The following KCNMA1 variants were observed in gnomAD, a reference collection of about 807,000 sequenced individuals.
KCNMA1 encodes Calcium-activated potassium channel subunit alpha-1.
KCNMA1 carries 29 observed loss-of-function variants against 140.0 expected under a neutral mutation model. That is an observed-to-expected ratio of 0.21 (90% confidence interval 0.15 to 0.28). KCNMA1 has a LOEUF of 0.28. Ranked by LOEUF, KCNMA1 falls within the 10% of genes least tolerant of loss-of-function variation. The pLI, the probability that KCNMA1 is intolerant of heterozygous loss-of-function variation, is 1.00. For missense variants in KCNMA1, 880 were observed against 1,602.2 expected, an observed-to-expected ratio of 0.55 and a Z score of 7.70; for synonymous variants, 612 against 611.9, an observed-to-expected ratio of 1.00 and a Z score of 0.00.
chr10:76,887,867 T>G lies in KCNMA1; in HGVS notation c.3462-352A>C, dbSNP rs969477366. 7 of 321,300 alleles carry G rather than the reference T, an allele frequency of 2.2e-5. No individual in the cohort carries two copies. In the Admixed American group the frequency reaches 3.1e-4, roughly 14 times the overall value. The allele number at this position is 321,300 out of a possible 1,614,324, so 19.9% of individuals were successfully genotyped here. ...GGTTTCATGAAGTGTGATGCAACTT[T>G]CATTTCATAATTTTCGGACAATCCC... On this transcript the variant is annotated intron_variant, in intron 27 of 27. Coordinates refer to ENST00000286628, the MANE Select transcript of KCNMA1 (RefSeq NM_001161352.2).
chr10:77,593,206 G>C (rs1212894641), intron 1 of KCNMA1, among the ~76,000 whole-genome samples: 1 of 152,132 alleles, frequency 6.6e-6, no homozygotes, highest in Non-Finnish European at 1.5e-5. Context: ...CCCATGTCTA[G>C]CCCTTCAGAA....
At position 76,992,108 on chromosome 10, in the gene KCNMA1, G is replaced by A. The variant is rs545714344; in HGVS notation, c.2266+9299C>T. On this transcript the variant is annotated intron_variant, in intron 19 of 27. Coordinates refer to ENST00000286628, the MANE Select transcript of KCNMA1 (RefSeq NM_001161352.2). ...TGGGACTCATCTTGCGGTATTGAAG[G>A]GGCTAGAATGAAAACTTTCAGATTT... 5.9e-5 allele frequency among the ~76,000 whole-genome samples: 9 copies of A among 152,266 alleles called. No homozygotes were observed. The East Asian group carries it at 1.7e-3, about 29-fold the overall frequency.
Position 76,885,203 on chromosome 10 carries a change from AG to A in KCNMA1, c.*2062del. ...CCAATACTAGGGGATACATATATAT[AG>A]TTATATATATAGTTATATATATATA... On this transcript the variant is annotated 3_prime_UTR_variant, in exon 28 of 28. Coordinates refer to ENST00000286628, the MANE Select transcript of KCNMA1 (RefSeq NM_001161352.2). 1.5e-6 allele frequency: 1 copy of A among 679,590 alleles called. No homozygotes were observed. The highest frequency in any genetic ancestry group is 6.7e-5 in the South Asian group (1 of 14,984). The allele number at this position is 679,590 out of a possible 1,614,324, so 42.1% of individuals were successfully genotyped here.
chr10:76,897,196 C>A (rs374192378), intron 25 of KCNMA1, among the ~76,000 whole-genome samples: 1 of 150,968 alleles, frequency 6.6e-6, no homozygotes, highest in East Asian at 1.9e-4. Context: ...ATTTACAAAT[C>A]AAAGTTGTAA....
chr10:76,965,185 T>C (rs1369850093), intron 20 of KCNMA1, among the ~76,000 whole-genome samples: 1 of 152,160 alleles, frequency 6.6e-6, no homozygotes. Flanking sequence ...GTAGGGAGAA[T>C]TGGGCCACGG....
intron 2 of KCNMA1, among the ~76,000 whole-genome samples, chr10:77,329,844 A>C (rs1321958199): frequency 1.3e-5 from 2 of 152,208 alleles, no homozygotes; most frequent in Admixed American, 6.5e-5. Context: ...TTTGTCCCTC[A>C]GTTTATTCAT....
intron 1 of KCNMA1, among the ~76,000 whole-genome samples, chr10:77,619,911 G>A (rs1307533306): frequency 6.6e-6 from 1 of 152,206 alleles, no homozygotes; most frequent in East Asian, 1.9e-4. Context: ...GATGGAGGAG[G>A]TGGAGGGTTG....
chr10:77,296,934 A>G (rs2075323694), intron 2 of KCNMA1, among the ~76,000 whole-genome samples: 1 of 150,672 alleles, frequency 6.6e-6, no homozygotes, highest in Non-Finnish European at 1.5e-5. Context: ...GGGGGAATGT[A>G]GAGAAGAACA....
rs540752392 is a variant in KCNMA1, at chr10:77,455,563, C to A, written c.379-51540G>T. Among the ~76,000 whole-genome samples, 13 of 152,346 alleles carry A rather than the reference C, an allele frequency of 8.5e-5. No homozygotes were observed. In the South Asian group the frequency reaches 2.7e-3, roughly 32 times the overall value. On this transcript the variant is annotated intron_variant, in intron 1 of 27. Coordinates refer to ENST00000286628, the MANE Select transcript of KCNMA1 (RefSeq NM_001161352.2). ...TAGGTGAGCTTCACCTGAATCTGCA[C>A]CTGTCCTCATTGCTAAGGTGATGAG...
chr10:76,914,382 C>T lies in KCNMA1; in HGVS notation c.3016+554G>A, dbSNP rs11001928. The T allele has an allele frequency of 0.29, 149,873 of 515,204 alleles. 25,918 individuals carry two copies. Among genetic ancestry groups the T allele is most frequent in the East Asian group, 0.65 (21,424 of 32,950 alleles). 31.9% of individuals were successfully genotyped at this position (515,204 alleles called of 1,614,324 possible). ...GTCCAACCAACATGGCCCTCAAAAC[C>T]CCATCATTTTGGGGGCCAGAATGGC... On this transcript the variant is annotated intron_variant, in intron 24 of 27. Coordinates refer to ENST00000286628, the MANE Select transcript of KCNMA1 (RefSeq NM_001161352.2).
At chr10:77,533,324 T>C (rs541162009) in intron 1 of KCNMA1, among the ~76,000 whole-genome samples, 1 of 152,292 alleles carries the variant, frequency 6.6e-6, no homozygotes, top group African/African-American at 2.4e-5. Context: ...AGCGGCTGCA[T>C]GACACAGGAG....
intron 2 of KCNMA1, among the ~76,000 whole-genome samples, chr10:77,302,848 C>T (rs2076855166): frequency 6.6e-6 from 1 of 152,024 alleles, no homozygotes; most frequent in Non-Finnish European, 1.5e-5. Context: ...GAAAGCATGC[C>T]AAATGGGAAG....
chr10:77,531,223 G>A (rs919044299), intron 1 of KCNMA1, among the ~76,000 whole-genome samples: 2 of 152,172 alleles, frequency 1.3e-5, no homozygotes, highest in Admixed American at 6.5e-5. Context: ...ACAGCAGATG[G>A]GGGTGAATGA....
intron 23 of KCNMA1, among the ~76,000 whole-genome samples, chr10:76,943,916 C>T (rs541429249): frequency 6.6e-6 from 1 of 152,144 alleles, no homozygotes; most frequent in Non-Finnish European, 1.5e-5. Context: ...ATGGGCTGTG[C>T]TCCTACACCC....
intron 23 of KCNMA1, among the ~76,000 whole-genome samples, chr10:76,937,839 T>C (rs12762512): frequency 0.074 from 11,321 of 152,170 alleles, 782 homozygotes; most frequent in African/African-American, 0.18. Flanking sequence ...TCCGCTTATA[T>C]GTGGATGTTC....
At chr10:76,892,346 T>A (rs1009513611) in intron 25 of KCNMA1, among the ~76,000 whole-genome samples, 3 of 152,198 alleles carry the variant, frequency 2.0e-5, no homozygotes, top group African/African-American at 7.2e-5. Flanking sequence ...CTGAGGCAAA[T>A]ATCACTTATT....
intron 16 of KCNMA1, 34 bp downstream of exon 16, chr10:77,027,789 G>A (rs763317968): frequency 6.3e-7 from 1 of 1,581,206 alleles, no homozygotes; most frequent in Admixed American, 1.7e-5. Context: ...ACCATCAAAA[G>A]TGTCAGCTGG....
At chr10:77,130,703 G>A (rs2097842463) in intron 5 of KCNMA1, among the ~76,000 whole-genome samples, 1 of 151,966 alleles carries the variant, frequency 6.6e-6, no homozygotes, top group African/African-American at 2.4e-5. Context: ...AATCCCACAA[G>A]AACAAAAAGA....
chr10:76,998,732 G>A (rs1424204304), intron 19 of KCNMA1, among the ~76,000 whole-genome samples: 1 of 152,178 alleles, frequency 6.6e-6, no homozygotes, highest in Non-Finnish European at 1.5e-5. Flanking sequence ...TGTCAAATGG[G>A]CACCACCCAA....
Sources: allele counts gnomAD v4.1 joint callset (sites outside exome capture counted in the v4.1 genomes callset), GRCh38; gene constraint gnomAD v4.1.1; transcripts MANE v1.5; gene names NCBI Gene and HGNC (gene_info 2026-07-23, HGNC 2026-07-21).